CNOT10: variants seen among roughly 807,000 people sequenced by gnomAD.
The protein encoded by CNOT10 is CCR4-NOT transcription complex subunit 10.
In CNOT10, 30 loss-of-function variants were observed where a neutral mutation model predicts 94.6. That is an observed-to-expected ratio of 0.32 (90% confidence interval 0.24 to 0.43). The LOEUF (loss-of-function observed/expected upper bound fraction) is 0.43. CNOT10 is among the 20% of genes least tolerant of loss of function. The probability of loss-of-function intolerance (pLI) is 1.00; values close to 1 mark genes in which losing one functional copy is unlikely to be tolerated. For synonymous variants in CNOT10, 289 were observed against 301.6 expected, an observed-to-expected ratio of 0.96 and a Z score of 0.43; for missense variants, 759 against 877.2, an observed-to-expected ratio of 0.87 and a Z score of 1.70.
At position 32,734,891 on chromosome 3, in the gene CNOT10, C is replaced by G; in HGVS notation, c.1429C>G (p.Gln477Glu). Residue 477 changes from glutamine to glutamate, a missense_variant, in exon 12 of 19, where the codon CAA becomes GAA. This residue lies in a region of CNOT10 where 682 missense variants were observed against 799.4 expected (regional missense o/e 0.85). Transcript: ENST00000328834. ...CTTGTTGCTGCTACCTGAAGAACAG[C>G]AAGATCCAAAGCAGGAAAATGGGGC... Reference protein sequence around the residue: ...NALLLLPEEQQDPKQENGAKN... With the variant: ...NALLLLPEEQEDPKQENGAKN... 1 of 1,613,970 alleles carries G rather than the reference C, an allele frequency of 6.2e-7. No homozygotes were observed. The highest frequency in any genetic ancestry group is 8.5e-7 in the Non-Finnish European group (1 of 1,179,916).
At chr3:32,757,257 G>T (rs1342065212) in intron 13 of CNOT10, among the ~76,000 whole-genome samples, 1 of 112,566 alleles carries the variant, frequency 8.9e-6, no homozygotes, top group African/African-American at 3.4e-5. Flanking sequence ...TCAGCTTACC[G>T]CAACCTCCAC....
Position 32,685,738 on chromosome 3 carries a change from G to A in CNOT10, c.22+256G>A, listed in dbSNP as rs912638380. Among the ~76,000 whole-genome samples the A allele has an allele frequency of 2.6e-5, 4 of 152,148 alleles. No homozygotes were observed. The East Asian group carries it at 7.7e-4, about 29-fold the overall frequency. ...TGCCCTGCTCTTCAGAATAACTCCGGCCCAAAAAGCTTAAATGTATTTTGC... is the reference window on the plus strand; with the variant it reads ...TGCCCTGCTCTTCAGAATAACTCCGACCCAAAAAGCTTAAATGTATTTTGC... On this transcript the variant is annotated intron_variant, in intron 1 of 18. Transcript: ENST00000328834.
At chr3:32,692,880 G>A (rs78343145) in intron 1 of CNOT10, among the ~76,000 whole-genome samples, 9,299 of 152,024 alleles carry the variant, frequency 0.061, 331 homozygotes, top group African/African-American at 0.09. Context: ...CTGTCTCTAC[G>A]AAAAGATTGA....
intron 13 of CNOT10, among the ~76,000 whole-genome samples, chr3:32,749,168 G>T (rs991551542): frequency 6.7e-6 from 1 of 148,398 alleles, no homozygotes; most frequent in Non-Finnish European, 1.5e-5. Context: ...TATATGACTT[G>T]TAGTTATTTT....
chr3:32,772,563 A>T (rs527280543), intron 18 of CNOT10, among the ~76,000 whole-genome samples: 3 of 151,152 alleles, frequency 2.0e-5, no homozygotes, highest in African/African-American at 7.3e-5. Context: ...TGGGCACAGT[A>T]GCTCATGCCC....
intron 7 of CNOT10, among the ~76,000 whole-genome samples, chr3:32,718,490 A>G (rs1031350985): frequency 1.4e-5 from 2 of 143,674 alleles, no homozygotes; most frequent in Non-Finnish European, 3.0e-5. Flanking sequence ...AGGCTGAGGC[A>G]GGAGAATGGT....
intron 4 of CNOT10, among the ~76,000 whole-genome samples, chr3:32,712,663 T>C (rs1697945224): frequency 6.6e-6 from 1 of 152,040 alleles, no homozygotes; most frequent in African/African-American, 2.4e-5. Context: ...CTGGGCAACA[T>C]AGTGAAACCC....
At chr3:32,739,494 ATTTG>A (rs1430957491) in intron 13 of CNOT10, among the ~76,000 whole-genome samples, 3 of 151,622 alleles carry the variant, frequency 2.0e-5, no homozygotes, top group Non-Finnish European at 4.4e-5. Context: ...GTTATGTTTT[ATTTG>A]TTTATTTCAC....
At chr3:32,757,341 A>G (rs1227271723) in intron 13 of CNOT10, among the ~76,000 whole-genome samples, 2 of 151,604 alleles carry the variant, frequency 1.3e-5, no homozygotes, top group South Asian at 4.2e-4. Context: ...CACCACACCC[A>G]GCCAATTTTG....
At position 32,721,023 on chromosome 3, in the gene CNOT10, TCCTTCCTTC is replaced by T. The variant is rs1179428994; in HGVS notation, c.862+810_862+818del. Among the ~76,000 whole-genome samples, 57 of 140,772 alleles carry T rather than the reference TCCTTCCTTC, an allele frequency of 4.0e-4. 1 individual carries two copies. Among genetic ancestry groups the T allele is most frequent in the African/African-American group, 1.0e-3 (39 of 38,576 alleles). The allele number at this position is 140,772 out of a possible 152,430, so 92.4% of individuals were successfully genotyped here. The stretch of plus-strand genomic sequence containing the variant: ...CTTCTGTTCCCTTCCCTCCCTCTCT[TCCTTCCTTC>T]CCTTCCTTCCCTTCCTTTCTTTCCT... On this transcript the variant is annotated intron_variant, in intron 8 of 18. Coordinates refer to ENST00000328834, the MANE Select transcript of CNOT10 (RefSeq NM_015442.3).
intron 18 of CNOT10, among the ~76,000 whole-genome samples, chr3:32,772,650 T>TC (rs1444901979): frequency 1.3e-5 from 2 of 152,062 alleles, no homozygotes; most frequent in African/African-American, 4.8e-5. Context: ...TGAGCCGTAA[T>TC]CGCCCCACTG....
rs1343196899 is a variant in CNOT10 at position 32,769,838 on chromosome 3, T to G, written c.2005-49T>G. 7 of 1,422,994 alleles carry G rather than the reference T, an allele frequency of 4.9e-6. No individual in the cohort carries two copies. The East Asian group carries it at 1.6e-4, about 32-fold the overall frequency. 88.1% of individuals were successfully genotyped at this position (1,422,994 alleles called of 1,614,324 possible). On this transcript the variant is annotated intron_variant, in intron 17 of 18. Coordinates refer to ENST00000328834, the MANE Select transcript of CNOT10 (RefSeq NM_015442.3). ...GGTTGGCAGATGTACTTGGAGTGTGTATCTTAAGCTTTTGTTTTTTCACGG... is the reference window on the plus strand; with the variant it reads ...GGTTGGCAGATGTACTTGGAGTGTGGATCTTAAGCTTTTGTTTTTTCACGG...
At chr3:32,747,960 C>CG (rs1699779353) in intron 13 of CNOT10, among the ~76,000 whole-genome samples, 12 of 151,212 alleles carry the variant, frequency 7.9e-5, no homozygotes, top group Admixed American at 5.3e-4. Context: ...GCTCCCCCCA[C>CG]CTCCAAAAAA....
Position 32,717,129 on chromosome 3 carries a change from C to T in CNOT10, c.661-25C>T. 2.9e-6 allele frequency: 4 copies of T among 1,388,240 alleles called. No homozygotes were observed. The South Asian group carries it at 5.1e-5, about 18-fold the overall frequency. 86.0% of individuals were successfully genotyped at this position (1,388,240 alleles called of 1,614,324 possible). On this transcript the variant is annotated intron_variant, in intron 6 of 18. Coordinates refer to ENST00000328834, the MANE Select transcript of CNOT10 (RefSeq NM_015442.3). ...GTATGTAAATCCACCATAGTTTTAA[C>T]ATACTAACATTTTCCCTTTGACAGT...
In CNOT10 at chr3:32,713,345, C is replaced by T. The variant is rs745726837; in HGVS notation, c.549C>T (p.Asn183=). 127 of 1,595,142 alleles carry T rather than the reference C, an allele frequency of 8.0e-5. 1 individual carries two copies. The Middle Eastern group carries it at 1.9e-3, about 23-fold the overall frequency. The stretch of plus-strand genomic sequence containing the variant: ...TAGAAAAAATGATTTCACAGGGTAA[C>T]AATAACAAAAATGGAAAGAATGAGG... ...AVLEKMISQG[N]NNKNGKNETG... is the part of the protein sequence containing the mutation. Residue 183 remains asparagine, a synonymous_variant, in exon 5 of 19, where the codon AAC becomes AAT. Coordinates refer to ENST00000328834, the MANE Select transcript of CNOT10 (RefSeq NM_015442.3).
chr3:32,740,378 C>T (rs1699408062), intron 13 of CNOT10, among the ~76,000 whole-genome samples: 1 of 151,752 alleles, frequency 6.6e-6, no homozygotes, highest in Non-Finnish European at 1.5e-5. Context: ...GGAATCGCTT[C>T]AACCGGGGAG....
chr3:32,749,842 A>C (rs191437358), intron 13 of CNOT10, among the ~76,000 whole-genome samples: 1 of 152,294 alleles, frequency 6.6e-6, no homozygotes, highest in Non-Finnish European at 1.5e-5. Context: ...TCACCACTAA[A>C]GAACTTGTGT....
Position 32,727,775 on chromosome 3 carries a change from G to A in CNOT10, c.1120G>A (p.Ala374Thr). The A allele has an allele frequency of 2.5e-6, 4 of 1,613,966 alleles. No individual in the cohort carries two copies. The highest frequency in any genetic ancestry group is 3.4e-6 in the Non-Finnish European group (4 of 1,179,992). Residue 374 changes from alanine to threonine, a missense_variant, in exon 10 of 19, where the codon GCC (alanine) becomes ACC (threonine). This residue lies in a region of CNOT10 where 682 missense variants were observed against 799.4 expected (regional missense o/e 0.85). Transcript: ENST00000328834. ...QLLHIGRPLA[A>T]FECLIEAVQV... is the part of the protein sequence containing the mutation. ...TCTTCACATTGGAAGGCCTCTTGCT[G>A]CCTTCGAATGTCTGATTGAAGCTGT...
chr3:32,757,520 A>G (rs1379574613), intron 13 of CNOT10, among the ~76,000 whole-genome samples: 1 of 152,162 alleles, frequency 6.6e-6, no homozygotes. Context: ...GACCTTTAAT[A>G]GTCTTTTTTT....
Sources: allele counts gnomAD v4.1 joint callset (sites outside exome capture counted in the v4.1 genomes callset), GRCh38; gene constraint gnomAD v4.1.1; regional missense constraint gnomAD v4.1.1; transcripts MANE v1.5; gene names NCBI Gene and HGNC (gene_info 2026-07-23, HGNC 2026-07-21).